The following FMN2 variants were observed in gnomAD, a reference collection of about 807,000 sequenced individuals.
FMN2 encodes the protein formin-2.
In FMN2, 51 loss-of-function variants were observed where a neutral mutation model predicts 142.3. The observed-to-expected ratio is 0.36, with a 90% CI of 0.29 to 0.45. The LOEUF (loss-of-function observed/expected upper bound fraction) is 0.45. Among genes scored for constraint, FMN2 ranks in the 20% least tolerant of loss-of-function variants. The probability of loss-of-function intolerance (pLI) is 1.00; values close to 1 mark genes in which losing one functional copy is unlikely to be tolerated. For synonymous variants in FMN2, 882 were observed against 869.8 expected, an observed-to-expected ratio of 1.01 and a Z score of -0.25; for missense variants, 1,936 against 2,122.8, an observed-to-expected ratio of 0.91 and a Z score of 1.73.
At chr1:240,262,879 G>A (rs1352231971) in intron 7 of FMN2, among the ~76,000 whole-genome samples, 1 of 147,982 alleles carries the variant, frequency 6.8e-6, no homozygotes, top group East Asian at 2.0e-4. Flanking sequence ...TTATCCCTCA[G>A]CCCCCCGAGT....
At chr1:240,155,614 G>T (rs547242883) in intron 2 of FMN2, among the ~76,000 whole-genome samples, 1 of 152,212 alleles carries the variant, frequency 6.6e-6, no homozygotes, top group African/African-American at 2.4e-5. Context: ...AGAGCCCAAA[G>T]TGATTGAGAT....
rs142207872 is a variant in FMN2, at chr1:240,391,875, T to C, written c.4859-636T>C. Among the ~76,000 whole-genome samples, 34 of 152,294 alleles carry C rather than the reference T, an allele frequency of 2.2e-4. No homozygotes were observed. The East Asian group carries it at 6.2e-3, about 28-fold the overall frequency. On this transcript the variant is annotated intron_variant, in intron 14 of 17. Coordinates refer to ENST00000319653, the MANE Select transcript of FMN2 (RefSeq NM_020066.5). ...CATACTTTAAGTGATGGAGTTCTTA[T>C]GTTATTTTAAGCAGTTCGAAATACT... is the stretch of plus-strand genomic sequence containing the variant.
chr1:240,111,068 CATA>C (rs1217647763), intron 1 of FMN2, among the ~76,000 whole-genome samples: 1 of 152,106 alleles, frequency 6.6e-6, no homozygotes, highest in Non-Finnish European at 1.5e-5. Context: ...ATATCTTGAT[CATA>C]ATAATAACAG....
intron 2 of FMN2, among the ~76,000 whole-genome samples, chr1:240,159,914 T>TAG (rs1664196204): frequency 1.2e-5 from 1 of 81,574 alleles, no homozygotes; most frequent in Non-Finnish European, 2.2e-5. Flanking sequence ...TGTATATATA[T>TAG]ATATATATAT....
chr1:240,145,852 C>T (rs1308573022), intron 2 of FMN2, among the ~76,000 whole-genome samples: 1 of 151,944 alleles, frequency 6.6e-6, no homozygotes, highest in Non-Finnish European at 1.5e-5. Flanking sequence ...CAGCCAAAGC[C>T]AGGCCAAGGG....
Position 240,144,907 on chromosome 1 carries a change from A to C in FMN2, c.1782+21562A>C, listed in dbSNP as rs978189629. On this transcript the variant is annotated intron_variant, in intron 2 of 17. Transcript: ENST00000319653. Reference sequence around the variant, plus strand: ...CTCCTGCCAGGTGCCTGATATACTCATGACTCCATGATGCCAATTCCTTCT... The same window carrying C: ...CTCCTGCCAGGTGCCTGATATACTCCTGACTCCATGATGCCAATTCCTTCT... The C allele has an allele frequency of 6.4e-5, 87 of 1,358,542 alleles. No individual in the cohort carries two copies. In the Admixed American group the frequency reaches 1.2e-3, roughly 18 times the overall value. 84.2% of individuals were successfully genotyped at this position (1,358,542 alleles called of 1,614,324 possible). A position where few individuals can be genotyped will look rare whatever the true frequency, so the allele number is the denominator to read the frequency against.
chr1:240,147,869 T>C (rs927299196), intron 2 of FMN2, among the ~76,000 whole-genome samples: 1 of 152,194 alleles, frequency 6.6e-6, no homozygotes, highest in Non-Finnish European at 1.5e-5. Flanking sequence ...GAAAGTCTGA[T>C]TGACTAGATC....
chr1:240,413,732 ATGGGCCC>A (rs2103129783), intron 15 of FMN2, among the ~76,000 whole-genome samples: 2 of 152,282 alleles, frequency 1.3e-5, no homozygotes, highest in South Asian at 4.1e-4. Context: ...ATCATAGGAG[ATGGGCCC>A]TGTAGATTCG....
intron 8 of FMN2, among the ~76,000 whole-genome samples, chr1:240,306,024 A>G (rs1206130610): frequency 2.7e-5 from 4 of 148,504 alleles, no homozygotes; most frequent in Admixed American, 6.8e-5. Flanking sequence ...ATCTCGGCTC[A>G]CTGCAACCTC....
chr1:240,223,533 T>C (rs1667194427), intron 6 of FMN2, among the ~76,000 whole-genome samples: 1 of 152,220 alleles, frequency 6.6e-6, no homozygotes, highest in African/African-American at 2.4e-5. Context: ...CTTTTTCTAC[T>C]GTTTGGAACC....
chr1:240,406,753 G>A (rs1674215725), intron 15 of FMN2, among the ~76,000 whole-genome samples: 1 of 152,118 alleles, frequency 6.6e-6, no homozygotes, highest in Admixed American at 6.5e-5. Flanking sequence ...GGTAATATAA[G>A]CTCATGAAGG....
chr1:240,158,157 A>G (rs1250406763), intron 2 of FMN2, among the ~76,000 whole-genome samples: 1 of 151,788 alleles, frequency 6.6e-6, no homozygotes, highest in Non-Finnish European at 1.5e-5. Flanking sequence ...ATGTTAGAAG[A>G]TGTGTTAAAT....
At chr1:240,277,525 CTTTTTTTTT>C (rs34678861) in intron 7 of FMN2, among the ~76,000 whole-genome samples, 66 of 66,146 alleles carry the variant, frequency 1.0e-3, no homozygotes, top group Non-Finnish European at 1.3e-3. Flanking sequence ...GCATCTTCTT[CTTTTTTTTT>C]TTTTTTTTTT....
intron 2 of FMN2, among the ~76,000 whole-genome samples, chr1:240,169,709 A>G (rs1322305300): frequency 6.6e-6 from 1 of 152,066 alleles, no homozygotes; most frequent in Non-Finnish European, 1.5e-5. Context: ...TCCTGGGCTC[A>G]AGTAATACTC....
intron 2 of FMN2, among the ~76,000 whole-genome samples, chr1:240,137,665 T>C (rs1663000718): frequency 6.6e-6 from 1 of 152,204 alleles, no homozygotes; most frequent in Non-Finnish European, 1.5e-5. Flanking sequence ...GGAAAGGGGC[T>C]ACTGGGTGAA....
At chr1:240,116,275 G>A (rs1461321634) in intron 1 of FMN2, among the ~76,000 whole-genome samples, 1 of 152,168 alleles carries the variant, frequency 6.6e-6, no homozygotes, top group Non-Finnish European at 1.5e-5. Flanking sequence ...TTCCGTCCAG[G>A]TATGGGGCCC....
intron 15 of FMN2, among the ~76,000 whole-genome samples, chr1:240,426,843 C>T (rs554837018): frequency 6.6e-6 from 1 of 151,968 alleles, no homozygotes; most frequent in Admixed American, 6.6e-5. Context: ...TCAAGCAATT[C>T]TCCTCCTGCC....
intron 6 of FMN2, among the ~76,000 whole-genome samples, chr1:240,220,759 C>G (rs148880068): frequency 0.056 from 8,453 of 151,876 alleles, 352 homozygotes; most frequent in African/African-American, 0.12. Context: ...GATACATGTG[C>G]AGAACATGCA....
intron 6 of FMN2, among the ~76,000 whole-genome samples, chr1:240,242,067 G>C (rs773277709): frequency 2.6e-5 from 4 of 151,830 alleles, no homozygotes; most frequent in African/African-American, 9.7e-5. Context: ...GGATGGTCTC[G>C]ATCTCCTGAC....
Sources: allele counts gnomAD v4.1 joint callset (sites outside exome capture counted in the v4.1 genomes callset), GRCh38; gene constraint gnomAD v4.1.1; transcripts MANE v1.5; gene names NCBI Gene and HGNC (gene_info 2026-07-23, HGNC 2026-07-21).